HPSE2: variants seen among roughly 807,000 people sequenced by gnomAD.
HPSE2 encodes the protein heparanase 2 (inactive), also known as inactive heparanase-2.
A neutral mutation model predicts 60.5 loss-of-function variants in HPSE2; 38 were observed. That is an observed-to-expected ratio of 0.63 (90% confidence interval 0.48 to 0.82). HPSE2 has a LOEUF of 0.82. HPSE2 is among the 40% of genes least tolerant of loss of function. The pLI is 0.00. For synonymous variants in HPSE2, 295 were observed against 293.2 expected (o/e 1.01, Z -0.06); for missense variants, 713 against 740.4 (o/e 0.96, Z 0.43).
At chr10:99,020,638 C>T (rs1957242012) in intron 3 of HPSE2, among the ~76,000 whole-genome samples, 1 of 152,150 alleles carries the variant, frequency 6.6e-6, no homozygotes, top group Non-Finnish European at 1.5e-5. Flanking sequence ...AGTGTGTATG[C>T]AAGTGTATGT....
intron 3 of HPSE2, among the ~76,000 whole-genome samples, chr10:99,105,252 A>T (rs1299001155): frequency 6.6e-6 from 1 of 152,066 alleles, no homozygotes; most frequent in Non-Finnish European, 1.5e-5. Flanking sequence ...TTCCAACCAG[A>T]CTATAATCTT....
chr10:98,492,190 G>A (rs2133684124), intron 9 of HPSE2, among the ~76,000 whole-genome samples: 1 of 152,326 alleles, frequency 6.6e-6, no homozygotes, highest in Admixed American at 6.5e-5. Context: ...ATGTTTGTAA[G>A]CAAGCCACTC....
chr10:99,147,386 T>A (rs1846094825), intron 2 of HPSE2, among the ~76,000 whole-genome samples: 2 of 152,220 alleles, frequency 1.3e-5, no homozygotes, highest in African/African-American at 4.8e-5. Context: ...AAAACTTGTA[T>A]CAAAACATAC....
intron 3 of HPSE2, among the ~76,000 whole-genome samples, chr10:98,854,942 C>T (rs1314731874): frequency 6.6e-6 from 1 of 152,042 alleles, no homozygotes; most frequent in African/African-American, 2.4e-5. Flanking sequence ...GAGTTTTGAC[C>T]TTTACTTAGG....
chr10:99,164,241 A>T (rs1380995900), intron 2 of HPSE2, among the ~76,000 whole-genome samples: 1 of 55,920 alleles, frequency 1.8e-5, no homozygotes, highest in South Asian at 5.4e-4. Context: ...ATATATATAT[A>T]TATATATATA....
At chr10:98,527,337 C>T (rs1942998465) in intron 9 of HPSE2, among the ~76,000 whole-genome samples, 1 of 152,160 alleles carries the variant, frequency 6.6e-6, no homozygotes, top group African/African-American at 2.4e-5. Flanking sequence ...AAAAATCAAG[C>T]TCCTTATGGT....
Position 98,596,168 on chromosome 10 carries a change from C to A in HPSE2, c.1320+18736G>T, listed in dbSNP as rs1945230791. On this transcript the variant is annotated intron_variant, in intron 9 of 11. Transcript: ENST00000370552. Reference sequence around the variant, plus strand: ...AATATTGGCCTATATTTTCCTTTCCCTTTTAGTGACCTTATCTGGCTTTGG... The same window carrying A: ...AATATTGGCCTATATTTTCCTTTCCATTTTAGTGACCTTATCTGGCTTTGG... Among the ~76,000 whole-genome samples the A allele has an allele frequency of 2.0e-5, 3 of 152,086 alleles. No homozygotes were observed. In the South Asian group the frequency reaches 6.2e-4, roughly 31 times the overall value.
chr10:98,519,376 A>C (rs1335265600), intron 9 of HPSE2, among the ~76,000 whole-genome samples: 1 of 152,212 alleles, frequency 6.6e-6, no homozygotes, highest in East Asian at 1.9e-4. Context: ...TCACTGACAC[A>C]TCCTTTGGAT....
At chr10:98,825,544 C>G (rs1307503076) in intron 3 of HPSE2, among the ~76,000 whole-genome samples, 1 of 132,304 alleles carries the variant, frequency 7.6e-6, no homozygotes, top group Admixed American at 9.8e-5. Flanking sequence ...CCTTTGCTAA[C>G]AAGAATTAAA....
chr10:98,530,162 T>C (rs1943086175), intron 9 of HPSE2, among the ~76,000 whole-genome samples: 2 of 152,168 alleles, frequency 1.3e-5, no homozygotes, highest in Non-Finnish European at 2.9e-5. Context: ...GACAGATGTA[T>C]GGAGGAGTGT....
At chr10:99,282,857 G>A in the HPSE2 span, among the ~76,000 whole-genome samples, 6 of 152,086 alleles carry the variant, frequency 3.9e-5, no homozygotes, top group South Asian at 2.1e-4. Flanking sequence ...CAGCAAAAGT[G>A]AAAGGGAAAT....
chr10:99,073,865 T>C (rs1324255414), intron 3 of HPSE2, among the ~76,000 whole-genome samples: 1 of 151,922 alleles, frequency 6.6e-6, no homozygotes, highest in East Asian at 1.9e-4. Flanking sequence ...TGTTAGTGTA[T>C]GGAAACAAAA....
intron 3 of HPSE2, among the ~76,000 whole-genome samples, chr10:99,007,264 G>C (rs192977025): frequency 3.0e-3 from 453 of 152,266 alleles, no homozygotes; most frequent in Non-Finnish European, 5.3e-3. Context: ...CTGGGGCTGT[G>C]AGGGCTTGTG....
chr10:98,861,106 T>C (rs1952448826), intron 3 of HPSE2, among the ~76,000 whole-genome samples: 1 of 152,184 alleles, frequency 6.6e-6, no homozygotes, highest in African/African-American at 2.4e-5. Context: ...GGTAAAGATA[T>C]TAACATGTTT....
chr10:98,734,301 C>A (rs191400482), intron 4 of HPSE2, among the ~76,000 whole-genome samples: 1 of 152,222 alleles, frequency 6.6e-6, no homozygotes, highest in Admixed American at 6.5e-5. Context: ...AAAAGTAATT[C>A]TGTTATTAAC....
chr10:98,593,514 T>C (rs1159900705), intron 9 of HPSE2, among the ~76,000 whole-genome samples: 1 of 151,996 alleles, frequency 6.6e-6, no homozygotes, highest in African/African-American at 2.4e-5. Flanking sequence ...GGAAGACAGA[T>C]TGGAAGTGAA....
At chr10:98,525,704 C>T (rs1056693230) in intron 9 of HPSE2, among the ~76,000 whole-genome samples, 4 of 152,056 alleles carry the variant, frequency 2.6e-5, no homozygotes, top group African/African-American at 9.7e-5. Flanking sequence ...CTTTGGATCT[C>T]GCAAGTGCAG....
At chr10:99,056,217 A>T (rs1958110875) in intron 3 of HPSE2, among the ~76,000 whole-genome samples, 1 of 151,416 alleles carries the variant, frequency 6.6e-6, no homozygotes, top group African/African-American at 2.4e-5. Context: ...AAATGAACAA[A>T]TTCCTTTAAA....
intron 3 of HPSE2, among the ~76,000 whole-genome samples, chr10:98,803,346 T>G (rs1030861029): frequency 1.3e-5 from 2 of 150,356 alleles, no homozygotes; most frequent in African/African-American, 5.0e-5. Context: ...TTTGTCAATT[T>G]TGGCTTTTGT....
Sources: allele counts gnomAD v4.1 joint callset (sites outside exome capture counted in the v4.1 genomes callset), GRCh38; gene constraint gnomAD v4.1.1; transcripts MANE v1.5; gene names NCBI Gene and HGNC (gene_info 2026-07-23, HGNC 2026-07-21).